The following ADCY1 variants were observed in gnomAD, a reference collection of about 807,000 sequenced individuals.
The protein encoded by ADCY1 is adenylate cyclase 1.
Under a neutral mutation model 105.4 loss-of-function variants are expected in ADCY1, and 28 were observed. That is an observed-to-expected ratio of 0.27 (90% CI 0.20 to 0.36). The LOEUF is 0.36. Among genes scored for constraint, ADCY1 ranks in the 10% least tolerant of loss-of-function variants. ADCY1 has a pLI of 1.00. For missense variants in ADCY1, 977 were observed against 1,434.2 expected (o/e 0.68, Z 5.15); for synonymous variants, 655 against 623.8 (o/e 1.05, Z -0.75).
chr7:45,658,266 TGCTGG>T (rs1167705560), intron 6 of ADCY1, among the ~76,000 whole-genome samples: 1 of 152,238 alleles, frequency 6.6e-6, no homozygotes, highest in Admixed American at 6.5e-5. Context: ...AAATGGAAAG[TGCTGG>T]GACTTTAGAG....
intron 5 of ADCY1, among the ~76,000 whole-genome samples, chr7:45,655,918 A>G (rs1338934632): frequency 6.6e-6 from 1 of 152,212 alleles, no homozygotes; most frequent in Non-Finnish European, 1.5e-5. Flanking sequence ...ATTTTGAAAA[A>G]TAAATTTTTT....
upstream of ADCY1, chr7:45,574,242 G>C (rs1792242845): frequency 1.3e-6 from 1 of 742,240 alleles, no homozygotes; most frequent in African/African-American, 1.9e-5. The surrounding 1 kb of genome is among the most constrained non-coding windows in gnomAD (Gnocchi z 7.0). Flanking sequence ...ACGCGGAGTT[G>C]GGGCGCGGGC....
chr7:45,586,939 C>T (rs1287631445), intron 1 of ADCY1, among the ~76,000 whole-genome samples: 1 of 152,252 alleles, frequency 6.6e-6, no homozygotes, highest in Non-Finnish European at 1.5e-5. Context: ...CCTGTGCCTG[C>T]ACTCTTGCTC....
intron 4 of ADCY1, among the ~76,000 whole-genome samples, chr7:45,643,895 G>C (rs1055355004): frequency 6.6e-6 from 1 of 152,202 alleles, no homozygotes; most frequent in East Asian, 1.9e-4. Flanking sequence ...GTCCTCCCCT[G>C]AGGCAGGGAG....
chr7:45,574,479 C>CGCGCCCCG lies in ADCY1; in HGVS notation c.-55_-48dup, dbSNP rs1792255683. On this transcript the variant is annotated 5_prime_UTR_variant, in exon 1 of 20. Coordinates refer to ENST00000297323, the MANE Select transcript of ADCY1 (RefSeq NM_021116.4). The surrounding 1 kb of genome is among the most constrained non-coding windows in gnomAD (Gnocchi z 7.0). ...GCCCGCCCGCCCCGGCGCCGCCGCC[C>CGCGCCCCG]GCGCCCCGGCGCCCCGGGCCGGCGA... The CGCGCCCCG allele has an allele frequency of 5.3e-6, 3 of 569,746 alleles. No individual in the cohort carries two copies. In the South Asian group the frequency reaches 2.3e-4, roughly 44 times the overall value. 35.3% of individuals were successfully genotyped at this position (569,746 alleles called of 1,614,324 possible).
At chr7:45,659,419 G>C (rs1562711512) in intron 6 of ADCY1, among the ~76,000 whole-genome samples, 1 of 152,236 alleles carries the variant, frequency 6.6e-6, no homozygotes, top group Non-Finnish European at 1.5e-5. Context: ...TGCGAGCTCA[G>C]GCGTGCCCTG....
chr7:45,678,978 A>G (rs958270635), intron 10 of ADCY1, among the ~76,000 whole-genome samples: 2 of 152,222 alleles, frequency 1.3e-5, no homozygotes, highest in African/African-American at 4.8e-5. Context: ...ATTTTCAAAA[A>G]CTTAAAATCC....
chr7:45,599,950 T>C (rs964866129), intron 2 of ADCY1, among the ~76,000 whole-genome samples: 4 of 152,212 alleles, frequency 2.6e-5, no homozygotes, highest in Non-Finnish European at 4.4e-5. Context: ...TTTTTCCTAC[T>C]TTGTTTGAAG....
intron 5 of ADCY1, among the ~76,000 whole-genome samples, chr7:45,655,937 G>A (rs745581716): frequency 8.2e-4 from 124 of 152,084 alleles, no homozygotes; most frequent in Non-Finnish European, 1.3e-3. Flanking sequence ...TTATTTCAGC[G>A]TTTGGTTTCA....
At chr7:45,665,065 A>T (rs1784200115) in intron 8 of ADCY1, among the ~76,000 whole-genome samples, 1 of 152,158 alleles carries the variant, frequency 6.6e-6, no homozygotes, top group Non-Finnish European at 1.5e-5. Context: ...TTTGCTGAGG[A>T]TGATGGTTTC....
intron 3 of ADCY1, among the ~76,000 whole-genome samples, 159 bp from the exon 4 acceptor site, chr7:45,622,473 A>G (rs1793928851): frequency 6.6e-6 from 1 of 152,190 alleles, no homozygotes; most frequent in South Asian, 2.1e-4. Context: ...TCTCACCTGT[A>G]TGATGGGAAC....
chr7:45,643,895 G>T (rs1055355004), intron 4 of ADCY1, among the ~76,000 whole-genome samples: 7 of 152,202 alleles, frequency 4.6e-5, no homozygotes, highest in Admixed American at 2.0e-4. Flanking sequence ...GTCCTCCCCT[G>T]AGGCAGGGAG....
chr7:45,706,492 C>CAAAA lies in ADCY1; in HGVS notation c.2818-1840_2818-1837dup, dbSNP rs58794109. ...TGCTGAAACAACTGGACATCACATG[C>CAAAA]AAAAAAAAAAAAAAAAAAAAAGAAT... is the stretch of plus-strand genomic sequence containing the variant. On this transcript the variant is annotated intron_variant, in intron 17 of 19. Transcript: ENST00000297323. Among the ~76,000 whole-genome samples the CAAAA allele has an allele frequency of 1.5e-3, 88 of 59,384 alleles. 1 individual carries two copies. Among genetic ancestry groups the CAAAA allele is most frequent in the East Asian group, 2.5e-3 (5 of 1,998 alleles). The allele number at this position is 59,384 out of a possible 152,430, so 39.0% of individuals were successfully genotyped here. A position where few individuals can be genotyped will look rare whatever the true frequency, so the allele number is the denominator to read the frequency against.
chr7:45,592,627 GC>G, intron 1 of ADCY1, 131 bp from the exon 2 acceptor site: 1 of 1,243,496 alleles, frequency 8.0e-7, no homozygotes, highest in South Asian at 1.4e-5. Flanking sequence ...TGTGTCCCTG[GC>G]CCTGCGCTGT....
At chr7:45,684,805 C>T (rs1483367015) in intron 11 of ADCY1, 174 bp from the exon 12 acceptor site, 2 of 525,652 alleles carry the variant, frequency 3.8e-6, no homozygotes, top group Non-Finnish European at 6.7e-6. Context: ...AGCTTTTCAC[C>T]TGGGAGAATA....
At chr7:45,586,308 GTCCCCGTGAGAA>G (rs1366160471) in intron 1 of ADCY1, among the ~76,000 whole-genome samples, 1 of 152,150 alleles carries the variant, frequency 6.6e-6, no homozygotes, top group Non-Finnish European at 1.5e-5. Context: ...GCTTCTCCAG[GTCCCCGTGAGAA>G]TCCTTTCCCA....
chr7:45,652,539 A>G (rs1794837058), intron 5 of ADCY1, among the ~76,000 whole-genome samples: 2 of 152,324 alleles, frequency 1.3e-5, no homozygotes, highest in South Asian at 4.1e-4. Flanking sequence ...ATCTTGTTTT[A>G]TCGCTTTGAA....
intron 4 of ADCY1, among the ~76,000 whole-genome samples, chr7:45,626,174 C>T (rs1794057277): frequency 1.3e-5 from 2 of 152,150 alleles, no homozygotes; most frequent in South Asian, 4.1e-4. Flanking sequence ...GCTCTTGGAG[C>T]ACAGAAGCAG....
At chr7:45,700,455 G>A (rs1376907451) in intron 14 of ADCY1, among the ~76,000 whole-genome samples, 1 of 152,168 alleles carries the variant, frequency 6.6e-6, no homozygotes, top group Non-Finnish European at 1.5e-5. Flanking sequence ...TGTCTTAGCT[G>A]CTGCTGTGCT....
Sources: allele counts gnomAD v4.1 joint callset (sites outside exome capture counted in the v4.1 genomes callset), GRCh38; gene constraint gnomAD v4.1.1; non-coding constraint Gnocchi (gnomAD v3.1); transcripts MANE v1.5; gene names NCBI Gene and HGNC (gene_info 2026-07-23, HGNC 2026-07-21).